Variants in UBASH3B observed in about 807,000 individuals in gnomAD.
UBASH3B encodes ubiquitin-associated and SH3 domain-containing protein B.
Under a neutral mutation model 83.4 loss-of-function variants are expected in UBASH3B, and 37 were observed. The ratio of observed to expected loss-of-function variants is 0.44; its 90% CI spans 0.34 to 0.58. The LOEUF is 0.58. Ranked by LOEUF, UBASH3B falls within the 20% of genes least tolerant of loss-of-function variation. The pLI, the probability that UBASH3B is intolerant of heterozygous loss-of-function variation, is 0.01. For synonymous variants in UBASH3B, 304 were observed against 318.3 expected, an observed-to-expected ratio of 0.96 and a Z score of 0.48; for missense variants, 657 against 827.2, an observed-to-expected ratio of 0.79 and a Z score of 2.52.
chr11:122,777,081 C>T lies in UBASH3B; in HGVS notation c.273C>T (p.Val91=), dbSNP rs1860749720. Residue 91 remains valine, a synonymous_variant, in exon 3 of 14, where the codon GTC becomes GTT. Transcript: ENST00000284273. ...ATGACCCCCTGCCCCGGGAGTACGT[C>T]CTCTACCTCCGTCCCACCGGCCCCT... The part of the protein sequence containing the change: ...FLDDPLPREY[V]LYLRPTGPLA... 1.2e-6 allele frequency: 2 copies of T among 1,613,966 alleles called. No individual in the cohort carries two copies. Among genetic ancestry groups the T allele is most frequent in the East Asian group, 2.2e-5 (1 of 44,864 alleles).
chr11:122,677,623 A>G (rs1169703769), intron 1 of UBASH3B, among the ~76,000 whole-genome samples: 2 of 152,186 alleles, frequency 1.3e-5, no homozygotes, highest in East Asian at 3.9e-4. Flanking sequence ...TGCCTGGTAC[A>G]TAATAAGCAC....
At chr11:122,699,926 A>T (rs1423047015) in intron 1 of UBASH3B, among the ~76,000 whole-genome samples, 4 of 152,120 alleles carry the variant, frequency 2.6e-5, no homozygotes, top group Non-Finnish European at 1.5e-5. Context: ...ATTAAGGTTT[A>T]CGTAAATATT....
chr11:122,752,903 C>G (rs1030170973), intron 1 of UBASH3B, among the ~76,000 whole-genome samples: 1 of 151,960 alleles, frequency 6.6e-6, no homozygotes, highest in Non-Finnish European at 1.5e-5. Context: ...ATTATTATTA[C>G]CCTCATTTTA....
At chr11:122,716,055 A>T (rs1200645030) in intron 1 of UBASH3B, among the ~76,000 whole-genome samples, 1 of 152,200 alleles carries the variant, frequency 6.6e-6, no homozygotes, top group Non-Finnish European at 1.5e-5. Flanking sequence ...TGGAGAGAGG[A>T]CGAGGAGGTG....
chr11:122,683,764 T>TCG (rs1328487910), intron 1 of UBASH3B, among the ~76,000 whole-genome samples: 151 of 83,152 alleles, frequency 1.8e-3, no homozygotes, highest in Middle Eastern at 8.1e-3. Flanking sequence ...TGTGTGTGTG[T>TCG]GTGTGTGTGT....
chr11:122,686,465 A>G (rs1240456406), intron 1 of UBASH3B, among the ~76,000 whole-genome samples: 1 of 152,222 alleles, frequency 6.6e-6, no homozygotes, highest in African/African-American at 2.4e-5. Flanking sequence ...ATGTGTTGCC[A>G]GTGGAGTGGT....
intron 1 of UBASH3B, among the ~76,000 whole-genome samples, chr11:122,685,599 C>T (rs1042098653): frequency 6.6e-6 from 1 of 152,176 alleles, no homozygotes; most frequent in Non-Finnish European, 1.5e-5. Context: ...TCACTGCAAC[C>T]TCCACTTCCT....
intron 1 of UBASH3B, among the ~76,000 whole-genome samples, chr11:122,735,061 G>A (rs572254222): frequency 6.6e-6 from 1 of 151,996 alleles, no homozygotes; most frequent in Admixed American, 6.6e-5. Flanking sequence ...TATTATTATT[G>A]TACACATGAG....
chr11:122,798,139 AC>A (rs1468387641), intron 9 of UBASH3B, among the ~76,000 whole-genome samples: 1 of 151,840 alleles, frequency 6.6e-6, no homozygotes, highest in Admixed American at 6.6e-5. Flanking sequence ...ACAGAGCAAA[AC>A]CCTATCTCTA....
chr11:122,768,466 A>ATGTGTGTG (rs1555144490), intron 1 of UBASH3B, among the ~76,000 whole-genome samples: 36 of 129,034 alleles, frequency 2.8e-4, no homozygotes, highest in African/African-American at 1.2e-3. Context: ...AGAGATATAT[A>ATGTGTGTG]TGTATGTGTG....
chr11:122,713,260 T>C (rs1704714522), intron 1 of UBASH3B, among the ~76,000 whole-genome samples: 1 of 152,082 alleles, frequency 6.6e-6, no homozygotes, highest in South Asian at 2.1e-4. Context: ...GATGAAGCTC[T>C]CTTTAGGGCA....
intron 1 of UBASH3B, among the ~76,000 whole-genome samples, chr11:122,737,560 T>C (rs1257426137): frequency 6.6e-6 from 1 of 151,946 alleles, no homozygotes; most frequent in Non-Finnish European, 1.5e-5. Flanking sequence ...AGCCCCACCT[T>C]CTACATAAAC....
intron 10 of UBASH3B, among the ~76,000 whole-genome samples, chr11:122,800,263 G>C (rs971897047): frequency 6.6e-6 from 1 of 152,088 alleles, no homozygotes; most frequent in Non-Finnish European, 1.5e-5. Context: ...ATGGGGGCCA[G>C]GCGCAGTGGC....
intron 8 of UBASH3B, 114 bp downstream of exon 8, chr11:122,796,390 G>A (rs1861157720): frequency 3.4e-6 from 5 of 1,481,764 alleles, no homozygotes; most frequent in Admixed American, 2.2e-5. Context: ...TACTATAGAA[G>A]ATGTCTGTCA....
At chr11:122,700,688 G>C (rs1864030974) in intron 1 of UBASH3B, among the ~76,000 whole-genome samples, 1 of 151,936 alleles carries the variant, frequency 6.6e-6, no homozygotes, top group Admixed American at 6.6e-5. Flanking sequence ...GTAGAGATGG[G>C]GTTTCACCAT....
chr11:122,704,443 C>T (rs891346393), intron 1 of UBASH3B, among the ~76,000 whole-genome samples: 3 of 152,004 alleles, frequency 2.0e-5, no homozygotes, highest in African/African-American at 4.8e-5. Flanking sequence ...GCGAATTCCC[C>T]GAGTGTCAGG....
At chr11:122,664,784 A>G (rs1490237194) in intron 1 of UBASH3B, among the ~76,000 whole-genome samples, 2 of 152,180 alleles carry the variant, frequency 1.3e-5, no homozygotes, top group African/African-American at 4.8e-5. Context: ...TGCATGCAGC[A>G]CCCTGCTAAA....
rs754805733 is a variant in UBASH3B, at chr11:122,796,940, C to A, written c.1264C>A (p.Pro422Thr). The A allele has an allele frequency of 6.2e-7, 1 of 1,614,036 alleles. No homozygotes were observed. The highest frequency in any genetic ancestry group is 2.2e-5 in the East Asian group (1 of 44,864). ...CTACATACGCACCAACCTGAACATG[C>A]CTCATAGTTTACCTCAGCGGAGTGG... The part of the protein sequence containing the change: ...GRYIRTNLNM[P>T]HSLPQRSGGF... The change falls in exon 9 of 14, where the codon CCT (proline) becomes ACT (threonine). Residue 422 changes from proline to threonine, a missense_variant. Pro to Thr is a conservative substitution (Grantham distance 38). This residue lies in a region of UBASH3B where 573 missense variants were observed against 739.0 expected (regional missense o/e 0.78). Coordinates refer to ENST00000284273, the MANE Select transcript of UBASH3B (RefSeq NM_032873.5).
intron 3 of UBASH3B, among the ~76,000 whole-genome samples, chr11:122,777,854 C>T (rs553547920): frequency 8.5e-5 from 13 of 152,246 alleles, no homozygotes; most frequent in Non-Finnish European, 1.6e-4. Context: ...CTCAGCCTCC[C>T]AAGTGGCTGT....
Sources: allele counts gnomAD v4.1 joint callset (sites outside exome capture counted in the v4.1 genomes callset), GRCh38; gene constraint gnomAD v4.1.1; regional missense constraint gnomAD v4.1.1; transcripts MANE v1.5; gene names NCBI Gene and HGNC (gene_info 2026-07-23, HGNC 2026-07-21).